Variants in CACNB4 observed in about 807,000 individuals in gnomAD.
CACNB4 encodes the protein voltage-dependent L-type calcium channel subunit beta-4.
A neutral mutation model predicts 71.2 loss-of-function variants in CACNB4; 32 were observed. That is an observed-to-expected ratio of 0.45 (90% CI 0.34 to 0.60). CACNB4 has a LOEUF of 0.60. Among genes scored for constraint, CACNB4 ranks in the 20% least tolerant of loss-of-function variants. The pLI is 0.01. For synonymous variants in CACNB4, 231 were observed against 236.9 expected (o/e 0.97, Z 0.23); for missense variants, 464 against 647.9 (o/e 0.72, Z 3.08).
chr2:151,896,047 T>C (rs1297310268), intron 2 of CACNB4, among the ~76,000 whole-genome samples: 2 of 152,174 alleles, frequency 1.3e-5, no homozygotes, highest in Non-Finnish European at 2.9e-5. Context: ...GGTTTCACCA[T>C]GTTGGCCGGG....
intron 2 of CACNB4, among the ~76,000 whole-genome samples, chr2:152,043,514 G>C (rs1684981971): frequency 6.6e-6 from 1 of 152,120 alleles, no homozygotes; most frequent in East Asian, 1.9e-4. Flanking sequence ...GTAGAGATGA[G>C]GTCTTGCCAT....
intron 2 of CACNB4, among the ~76,000 whole-genome samples, chr2:151,948,361 G>A (rs965949840): frequency 2.6e-5 from 4 of 152,134 alleles, no homozygotes. Context: ...CTGACCTGAA[G>A]GTCCTAAAAA....
chr2:151,909,500 T>C (rs530860555), intron 2 of CACNB4, among the ~76,000 whole-genome samples: 20 of 151,462 alleles, frequency 1.3e-4, no homozygotes, highest in Admixed American at 7.9e-4. Context: ...TGCAGGTTCG[T>C]TACACAGGTA....
chr2:152,084,172 C>T (rs1321145514), intron 2 of CACNB4, among the ~76,000 whole-genome samples: 1 of 152,062 alleles, frequency 6.6e-6, no homozygotes, highest in African/African-American at 2.4e-5. Flanking sequence ...GATGTCTGTT[C>T]CCCACAGAGA....
At chr2:151,971,530 AC>A (rs1363179755) in intron 2 of CACNB4, 2 of 702,660 alleles carry the variant, frequency 2.8e-6, no homozygotes, top group Admixed American at 4.0e-5. Flanking sequence ...CATCTGGACA[AC>A]CCCCCACACT....
chr2:151,987,732 G>A (rs915890277), intron 2 of CACNB4, among the ~76,000 whole-genome samples: 1 of 152,066 alleles, frequency 6.6e-6, no homozygotes, highest in African/African-American at 2.4e-5. Context: ...TCTAAATTTG[G>A]AGTCATTACA....
chr2:151,886,295 A>G (rs1046990275), intron 2 of CACNB4, among the ~76,000 whole-genome samples: 1 of 152,186 alleles, frequency 6.6e-6, no homozygotes, highest in Admixed American at 6.5e-5. Context: ...TTTTGAAAAC[A>G]TGTCCTGGGG....
intron 2 of CACNB4, among the ~76,000 whole-genome samples, chr2:152,075,894 G>A (rs184437704): frequency 6.6e-6 from 1 of 152,250 alleles, no homozygotes; most frequent in East Asian, 1.9e-4. Flanking sequence ...CTATTAGGGT[G>A]GAAACTGTCC....
chr2:151,867,143 T>C (rs2099843366), intron 9 of CACNB4: 1 of 152,204 alleles, frequency 6.6e-6, no homozygotes, highest in Non-Finnish European at 1.5e-5. Flanking sequence ...CAGATAGGGC[T>C]GTTATGGGGC....
intron 2 of CACNB4, among the ~76,000 whole-genome samples, chr2:152,075,608 A>C (rs137963157): frequency 6.6e-6 from 1 of 152,294 alleles, no homozygotes; most frequent in African/African-American, 2.4e-5. Flanking sequence ...TGACTTTCCC[A>C]CGTTTGACTT....
intron 2 of CACNB4, among the ~76,000 whole-genome samples, chr2:152,007,020 A>G (rs1454222879): frequency 6.6e-6 from 1 of 152,128 alleles, no homozygotes; most frequent in Non-Finnish European, 1.5e-5. Context: ...CCTGTTTCAG[A>G]GGGTTGCTGG....
intron 11 of CACNB4, chr2:151,853,753 C>G: frequency 2.4e-6 from 1 of 421,306 alleles, no homozygotes. Context: ...TATTCTAACT[C>G]TGTGTGAAGT....
intron 2 of CACNB4, among the ~76,000 whole-genome samples, chr2:151,897,625 T>C (rs756502040): frequency 6.6e-6 from 1 of 152,220 alleles, no homozygotes; most frequent in Admixed American, 6.5e-5. Context: ...CATTAGGGAA[T>C]ATAAGGAGAG....
At position 151,942,292 on chromosome 2, in the gene CACNB4, T is replaced by C. The variant is rs1280079241; in HGVS notation, c.148-58922A>G. ...GCAGAGGAACATAAATTGTGAAGAT[T>C]TCATTTTAATATGGACATTTATCCG... On this transcript the variant is annotated intron_variant, in intron 2 of 13. Transcript: ENST00000539935. 1.3e-5 allele frequency among the ~76,000 whole-genome samples: 2 copies of C among 149,182 alleles called. 1 individual carries two copies. The highest frequency in any genetic ancestry group is 5.2e-5 in the African/African-American group (2 of 38,546).
chr2:151,998,834 G>A (rs767869827), intron 2 of CACNB4, among the ~76,000 whole-genome samples: 3 of 152,280 alleles, frequency 2.0e-5, no homozygotes, highest in Non-Finnish European at 4.4e-5. Context: ...TAGGGACATC[G>A]GTGGGCAGCC....
chr2:151,906,037 C>T (rs983387955), intron 2 of CACNB4, among the ~76,000 whole-genome samples: 8 of 152,190 alleles, frequency 5.3e-5, no homozygotes, highest in African/African-American at 1.9e-4. Context: ...TATACATGAG[C>T]ACATGCATGC....
chr2:151,867,977 C>A (rs150890110), intron 9 of CACNB4: 1 of 152,140 alleles, frequency 6.6e-6, no homozygotes, highest in African/African-American at 2.4e-5. Context: ...ATTAAGGCAG[C>A]CTGACCTATA....
At chr2:152,006,402 T>TC (rs1682726986) in intron 2 of CACNB4, among the ~76,000 whole-genome samples, 1 of 19,118 alleles carries the variant, frequency 5.2e-5, no homozygotes, top group Admixed American at 4.7e-4. Flanking sequence ...CTTTTCTTTC[T>TC]TTTTTTTTTT....
chr2:151,886,618 G>A (rs66900149), intron 2 of CACNB4, among the ~76,000 whole-genome samples: 14,467 of 151,898 alleles, frequency 0.095, 1,218 homozygotes, highest in Admixed American at 0.22. Flanking sequence ...ATTGGTAGAG[G>A]GAAAAATAAA....
Sources: allele counts gnomAD v4.1 joint callset (sites outside exome capture counted in the v4.1 genomes callset), GRCh38; gene constraint gnomAD v4.1.1; transcripts MANE v1.5; gene names NCBI Gene and HGNC (gene_info 2026-07-23, HGNC 2026-07-21).